Variants in CCDC146 observed in about 807,000 individuals in gnomAD.
CCDC146 encodes coiled-coil domain-containing protein 146.
CCDC146 carries 92 observed loss-of-function variants against 119.3 expected under a neutral mutation model. The observed-to-expected ratio is 0.77, with a 90% confidence interval of 0.65 to 0.92. The LOEUF (loss-of-function observed/expected upper bound fraction) is 0.92, where lower values mean the gene tolerates loss of function less well. Ranked by LOEUF, CCDC146 falls within the 40% of genes least tolerant of loss-of-function variation. The pLI, the probability that CCDC146 is intolerant of heterozygous loss-of-function variation, is 0.00. For synonymous variants in CCDC146, 372 were observed against 371.8 expected, an observed-to-expected ratio of 1.00 and a Z score of -0.01; for missense variants, 1,000 against 1,103.0, an observed-to-expected ratio of 0.91 and a Z score of 1.32.
chr7:77,125,136 G>T (rs187639807), intron 1 of CCDC146, among the ~76,000 whole-genome samples: 1 of 152,014 alleles, frequency 6.6e-6, no homozygotes, highest in Non-Finnish European at 1.5e-5. Flanking sequence ...AGAGGTTGCA[G>T]TGAGCCGAGA....
rs1015601821 is a variant in CCDC146, at chr7:77,227,379, C to T, written c.157-9568C>T. Among the ~76,000 whole-genome samples the T allele has an allele frequency of 2.6e-5, 4 of 152,308 alleles. No individual in the cohort carries two copies. The South Asian group carries it at 8.3e-4, about 32-fold the overall frequency. ...GGAGTGCAGTGGTGCAATCTCGGCT[C>T]ACTGCAAGCTCCACTTCCTGGGTTC... On this transcript the variant is annotated intron_variant, in intron 2 of 18. Coordinates refer to ENST00000285871, the MANE Select transcript of CCDC146 (RefSeq NM_020879.3).
At chr7:77,230,103 C>T (rs983784240) in intron 2 of CCDC146, among the ~76,000 whole-genome samples, 1 of 152,152 alleles carries the variant, frequency 6.6e-6, no homozygotes, top group African/African-American at 2.4e-5. Flanking sequence ...CAAAGTTCAT[C>T]CATGTTACAG....
At chr7:77,146,224 C>T (rs1022165260) in intron 1 of CCDC146, among the ~76,000 whole-genome samples, 52 of 152,022 alleles carry the variant, frequency 3.4e-4, no homozygotes, top group Non-Finnish European at 8.8e-5. Flanking sequence ...TTATCAGAGA[C>T]TAGGATTGCA....
intron 2 of CCDC146, among the ~76,000 whole-genome samples, chr7:77,228,835 T>A (rs1195831209): frequency 6.6e-6 from 1 of 152,250 alleles, no homozygotes; most frequent in Admixed American, 6.5e-5. Context: ...TTTGACTTTT[T>A]AAAAATTGTT....
intron 2 of CCDC146, among the ~76,000 whole-genome samples, chr7:77,221,469 G>T (rs1364672630): frequency 6.6e-6 from 1 of 152,072 alleles, no homozygotes; most frequent in African/African-American, 2.4e-5. Context: ...TAATCTGCTG[G>T]TGTTAGTTCT....
At chr7:77,132,851 T>C (rs1466904529) in intron 1 of CCDC146, among the ~76,000 whole-genome samples, 1 of 152,142 alleles carries the variant, frequency 6.6e-6, no homozygotes, top group Non-Finnish European at 1.5e-5. Flanking sequence ...ATAGATTTTT[T>C]TTCTTATCTC....
Position 77,241,919 on chromosome 7 carries a change from C to A in CCDC146, c.449+19C>A. On this transcript the variant is annotated intron_variant, in intron 4 of 18. Transcript: ENST00000285871. ...TAAATAGGTAAGTGCACAGTTCTCT[C>A]CGGCACACTGAAAAGTCTTTTCCTC... is the stretch of plus-strand genomic sequence containing the variant. 1 of 1,567,710 alleles carries A rather than the reference C, an allele frequency of 6.4e-7. No homozygotes were observed. The highest frequency in any genetic ancestry group is 8.8e-7 in the Non-Finnish European group (1 of 1,140,328).
intron 6 of CCDC146, among the ~76,000 whole-genome samples, chr7:77,256,876 G>A (rs1024253291): frequency 1.3e-5 from 2 of 152,112 alleles, no homozygotes; most frequent in East Asian, 3.9e-4. Flanking sequence ...AGGCCAAGGC[G>A]GTGGATCACC....
At chr7:77,228,613 T>C (rs1354069954) in intron 2 of CCDC146, among the ~76,000 whole-genome samples, 1 of 152,240 alleles carries the variant, frequency 6.6e-6, no homozygotes, top group Non-Finnish European at 1.5e-5. Flanking sequence ...AGTGCTGCAA[T>C]GAACATACAC....
At chr7:77,265,269 C>A (rs7805874) in intron 9 of CCDC146, among the ~76,000 whole-genome samples, 14,065 of 152,150 alleles carry the variant, frequency 0.092, 1,188 homozygotes, top group East Asian at 0.42. Context: ...GCAAGTGTTG[C>A]TTGTACTAAT....
At chr7:77,279,459 C>T (rs1319882688) in intron 13 of CCDC146, among the ~76,000 whole-genome samples, 2 of 151,912 alleles carry the variant, frequency 1.3e-5, no homozygotes, top group Non-Finnish European at 2.9e-5. Context: ...TTTTCACCTG[C>T]CCAATTAGAA....
chr7:77,258,363 C>T (rs1049733313), intron 6 of CCDC146, among the ~76,000 whole-genome samples: 5 of 152,114 alleles, frequency 3.3e-5, no homozygotes, highest in African/African-American at 1.2e-4. Context: ...GGTGGGCAGA[C>T]GGGCCCTGGC....
chr7:77,130,622 G>A (rs1244831746), intron 1 of CCDC146, among the ~76,000 whole-genome samples: 3 of 141,668 alleles, frequency 2.1e-5, no homozygotes, highest in East Asian at 4.0e-4. Context: ...TTTTTGAGAC[G>A]GAGTTTCGCT....
Position 77,176,195 on chromosome 7 carries a change from C to T in CCDC146, c.156+8371C>T, listed in dbSNP as rs142938387. On this transcript the variant is annotated intron_variant, in intron 2 of 18. Coordinates refer to ENST00000285871, the MANE Select transcript of CCDC146 (RefSeq NM_020879.3). ...CACAACTAAATCCATTATCCTTCTCCGGAACCCAACTCTGCTCCTGGGTTC... is the reference window on the plus strand; with the variant it reads ...CACAACTAAATCCATTATCCTTCTCTGGAACCCAACTCTGCTCCTGGGTTC... Among the ~76,000 whole-genome samples, 488 of 151,164 alleles carry T rather than the reference C, an allele frequency of 3.2e-3. 5 individuals carry two copies. Among genetic ancestry groups the T allele is most frequent in the Non-Finnish European group, 5.3e-3 (363 of 68,008 alleles).
At chr7:77,208,399 G>C (rs545022158) in intron 2 of CCDC146, among the ~76,000 whole-genome samples, 2 of 152,182 alleles carry the variant, frequency 1.3e-5, no homozygotes, top group South Asian at 4.2e-4. Context: ...ATTGCTCCTA[G>C]GCTACAAATC....
rs572016261 is a variant in CCDC146 at position 77,234,246 on chromosome 7, TAAA to T, written c.157-2700_157-2698del. ...TTTCTCCTTTAAGTGTGTCCATTTG[TAAA>T]GGCTTTTTTTTTTTTTAACTTATTA... On this transcript the variant is annotated intron_variant, in intron 2 of 18. Coordinates refer to ENST00000285871, the MANE Select transcript of CCDC146 (RefSeq NM_020879.3). Among the ~76,000 whole-genome samples, 63 of 78,960 alleles carry T rather than the reference TAAA, an allele frequency of 8.0e-4. No homozygotes were observed. The South Asian group carries it at 0.027, about 34-fold the overall frequency. 51.8% of individuals were successfully genotyped at this position (78,960 alleles called of 152,430 possible). A position where few individuals can be genotyped will look rare whatever the true frequency, so the allele number is the denominator to read the frequency against.
chr7:77,144,005 G>A (rs1280659743), intron 1 of CCDC146, among the ~76,000 whole-genome samples: 1 of 151,702 alleles, frequency 6.6e-6, no homozygotes, highest in Non-Finnish European at 1.5e-5. Flanking sequence ...ATTACTTTGG[G>A]CAGTATGGCC....
At chr7:77,144,946 G>C (rs894067811) in intron 1 of CCDC146, among the ~76,000 whole-genome samples, 3 of 151,802 alleles carry the variant, frequency 2.0e-5, no homozygotes, top group East Asian at 3.8e-4. Context: ...GTGAATTAGG[G>C]AGGATTCCCT....
intron 9 of CCDC146, among the ~76,000 whole-genome samples, chr7:77,270,978 T>C (rs1793499414): frequency 6.6e-6 from 1 of 151,336 alleles, no homozygotes; most frequent in Admixed American, 6.6e-5. Context: ...TACATTTCAT[T>C]GGCTTGTCTT....
Sources: gnomAD v4.1 joint callset for allele counts (sites outside exome capture counted in the v4.1 genomes callset) on GRCh38, gnomAD v4.1.1 for gene constraint, MANE v1.5 for transcripts, NCBI Gene and HGNC (gene_info 2026-07-23, HGNC 2026-07-21) for gene names.